The following HEMK2 variants were observed in gnomAD, a reference collection of about 807,000 sequenced individuals.
The protein encoded by HEMK2 is HemK methyltransferase 2, ETF1 glutamine and histone H4 lysine.
chr21:28,671,121 A>G, the HEMK2 span: 1 of 152,244 alleles, frequency 6.6e-6, no homozygotes, highest in Non-Finnish European at 1.5e-5. Flanking sequence ...GAGGGGCAAG[A>G]GCCTTCACGG....
chr21:28,837,145 A>G, the HEMK2 span, among the ~76,000 whole-genome samples: 1 of 152,218 alleles, frequency 6.6e-6, no homozygotes, highest in Admixed American at 6.5e-5. Context: ...ATTAAGACAG[A>G]AAGTCAACAA....
At chr21:28,831,610 AGAAG>A in the HEMK2 span, among the ~76,000 whole-genome samples, 4 of 85,734 alleles carry the variant, frequency 4.7e-5, no homozygotes, top group African/African-American at 2.2e-4. Context: ...AAAGAAGGAA[AGAAG>A]GAAAGAAGGA....
chr21:28,652,532 G>A, the HEMK2 span, among the ~76,000 whole-genome samples: 21 of 151,616 alleles, frequency 1.4e-4, no homozygotes, highest in Admixed American at 1.4e-3. Flanking sequence ...AGCTGTCACA[G>A]ACAGTCATCT....
At chr21:28,711,500 G>A in the HEMK2 span, among the ~76,000 whole-genome samples, 2 of 152,170 alleles carry the variant, frequency 1.3e-5, no homozygotes, top group Non-Finnish European at 2.9e-5. Context: ...TGCTAGAACA[G>A]TTGGGGAGCC....
the HEMK2 span, among the ~76,000 whole-genome samples, chr21:28,701,433 C>T: frequency 6.6e-6 from 1 of 152,038 alleles, no homozygotes; most frequent in Non-Finnish European, 1.5e-5. Flanking sequence ...TGATAAACAA[C>T]TTCAGCAAAG....
chr21:28,684,665 G>A, the HEMK2 span, among the ~76,000 whole-genome samples: 1 of 152,152 alleles, frequency 6.6e-6, no homozygotes, highest in Non-Finnish European at 1.5e-5. Context: ...GTGTCTTTCA[G>A]AATTATGATC....
the HEMK2 span, among the ~76,000 whole-genome samples, chr21:28,670,102 A>G: frequency 2.0e-5 from 3 of 152,038 alleles, no homozygotes; most frequent in Non-Finnish European, 2.9e-5. Context: ...TTTTTTTCAA[A>G]ATAGAAACAG....
At chr21:28,669,342 G>C in the HEMK2 span, among the ~76,000 whole-genome samples, 19 of 152,174 alleles carry the variant, frequency 1.2e-4, no homozygotes, top group Non-Finnish European at 2.1e-4. Context: ...CTGGGTGACA[G>C]AGTGAGACTC....
the HEMK2 span, among the ~76,000 whole-genome samples, chr21:28,582,179 T>C: frequency 6.6e-6 from 1 of 152,200 alleles, no homozygotes; most frequent in Non-Finnish European, 1.5e-5. Context: ...AGTTTTCTGT[T>C]TGGGGACCAC....
chr21:28,864,281 G>A, the HEMK2 span, among the ~76,000 whole-genome samples: 1 of 152,162 alleles, frequency 6.6e-6, no homozygotes, highest in Non-Finnish European at 1.5e-5. Flanking sequence ...ATGAGAGAGA[G>A]AGAGCTATAA....
chr21:28,791,196 T>C, the HEMK2 span, among the ~76,000 whole-genome samples: 45,582 of 151,906 alleles, frequency 0.3, 6,956 homozygotes, highest in East Asian at 0.41. Flanking sequence ...GAAATCAAAA[T>C]CTGTGTGGGT....
the HEMK2 span, among the ~76,000 whole-genome samples, chr21:28,647,416 G>A: frequency 1.4e-5 from 2 of 147,822 alleles, no homozygotes; most frequent in Admixed American, 6.8e-5. Flanking sequence ...GCTGAAGCAG[G>A]AGAATTGCTT....
chr21:28,583,877 T>C, the HEMK2 span, among the ~76,000 whole-genome samples: 1 of 152,236 alleles, frequency 6.6e-6, no homozygotes, highest in African/African-American at 2.4e-5. Context: ...TCTGTTAATA[T>C]AACTTTACTA....
the HEMK2 span, among the ~76,000 whole-genome samples, chr21:28,840,805 C>T: frequency 6.6e-6 from 1 of 150,864 alleles, no homozygotes; most frequent in Non-Finnish European, 1.5e-5. Flanking sequence ...CCTTAAGGAA[C>T]TAAAAGTAGA....
At chr21:28,844,654 A>G in the HEMK2 span, among the ~76,000 whole-genome samples, 11,847 of 152,108 alleles carry the variant, frequency 0.078, 1,092 homozygotes, top group African/African-American at 0.21. Context: ...CCCAAAACCT[A>G]TAACACCTCA....
At chr21:28,674,666 A>T in the HEMK2 span, 2 of 152,192 alleles carry the variant, frequency 1.3e-5, no homozygotes, top group Admixed American at 6.5e-5. Context: ...TCTTTGCTAG[A>T]CCCAGTATGT....
At chr21:28,701,344 G>T in the HEMK2 span, among the ~76,000 whole-genome samples, 1 of 152,080 alleles carries the variant, frequency 6.6e-6, no homozygotes, top group African/African-American at 2.4e-5. Context: ...AGGAGGAGAA[G>T]AAGTCAAACT....
the HEMK2 span, among the ~76,000 whole-genome samples, chr21:28,797,503 T>C: frequency 6.6e-6 from 1 of 151,528 alleles, no homozygotes; most frequent in South Asian, 2.1e-4. Context: ...TGGTCCCAGC[T>C]GCTCAGGAGG....
chr21:28,788,060 G>A, the HEMK2 span, among the ~76,000 whole-genome samples: 282 of 151,534 alleles, frequency 1.9e-3, no homozygotes, highest in Admixed American at 4.3e-3. Context: ...CCAAAATAGC[G>A]TGGCACTGGT....
Sources: allele counts gnomAD v4.1 joint callset (sites outside exome capture counted in the v4.1 genomes callset), GRCh38; gene constraint gnomAD v4.1.1; transcripts MANE v1.5; gene names NCBI Gene and HGNC (gene_info 2026-07-23, HGNC 2026-07-21).